PTPN4: variants seen among roughly 807,000 people sequenced by gnomAD.
PTPN4 encodes the protein tyrosine-protein phosphatase non-receptor type 4.
A neutral mutation model predicts 135.5 loss-of-function variants in PTPN4; 49 were observed. That is an observed-to-expected ratio of 0.36 (90% CI 0.29 to 0.46). The LOEUF is 0.46. PTPN4 is among the 20% of genes least tolerant of loss of function. The pLI is 1.00. For synonymous variants in PTPN4, 333 were observed against 369.9 expected (o/e 0.90, Z 1.14); for missense variants, 860 against 1,101.0 (o/e 0.78, Z 3.10).
At chr2:119,858,717 C>T (rs1677716772) in intron 2 of PTPN4, among the ~76,000 whole-genome samples, 1 of 151,918 alleles carries the variant, frequency 6.6e-6, no homozygotes, top group Non-Finnish European at 1.5e-5. Context: ...GGTGCCATCT[C>T]TGCCTCCCAG....
At chr2:119,940,555 G>T (rs1679046299) in intron 15 of PTPN4, among the ~76,000 whole-genome samples, 1 of 152,068 alleles carries the variant, frequency 6.6e-6, no homozygotes, top group African/African-American at 2.4e-5. Flanking sequence ...TACTGTTCTT[G>T]AATGATCTTC....
chr2:119,947,217 T>G (rs1679146239), intron 18 of PTPN4, among the ~76,000 whole-genome samples: 1 of 152,170 alleles, frequency 6.6e-6, no homozygotes, highest in Non-Finnish European at 1.5e-5. Flanking sequence ...ACTTTCCTTT[T>G]TCTTACCTAA....
At chr2:119,945,299 A>G in intron 16 of PTPN4, 59 bp downstream of exon 16, 3 of 1,443,900 alleles carry the variant, frequency 2.1e-6, no homozygotes, top group Non-Finnish European at 2.8e-6. Flanking sequence ...CCTAAATGAA[A>G]TTTCTTTTGT....
rs187177317 is a variant in PTPN4, at chr2:119,902,439, A to G, written c.764+1633A>G. On this transcript the variant is annotated intron_variant, in intron 10 of 26. Coordinates refer to ENST00000263708, the MANE Select transcript of PTPN4 (RefSeq NM_002830.4). The stretch of plus-strand genomic sequence containing the variant: ...TGAGAAATGTTAAAAGAAGTTCTTC[A>G]TAGAAAAGGAAAATAATATAAGACA... 9.8e-5 allele frequency among the ~76,000 whole-genome samples: 15 copies of G among 152,350 alleles called. No homozygotes were observed. The East Asian group carries it at 2.7e-3, about 27-fold the overall frequency.
chr2:119,760,107 T>G lies in PTPN4; in HGVS notation c.-295T>G, dbSNP rs2104911501. 1 of 387,186 alleles carries G rather than the reference T, an allele frequency of 2.6e-6. No homozygotes were observed. The highest frequency in any genetic ancestry group is 6.5e-4 in the Middle Eastern group (1 of 1,528). 24.0% of individuals were successfully genotyped at this position (387,186 alleles called of 1,614,324 possible). ...GCCAGGCCCCCTCCCCCACGCACTTTTGGGGGTGTGGATTATCTCATCCCT... is the reference window on the plus strand; with the variant it reads ...GCCAGGCCCCCTCCCCCACGCACTTGTGGGGGTGTGGATTATCTCATCCCT... On this transcript the variant is annotated 5_prime_UTR_variant, in exon 1 of 27. Transcript: ENST00000263708.
chr2:119,895,268 A>G (rs1247086063), intron 9 of PTPN4, among the ~76,000 whole-genome samples: 2 of 152,242 alleles, frequency 1.3e-5, no homozygotes, highest in East Asian at 3.8e-4. Flanking sequence ...TCTTATGTAC[A>G]TCATAACATT....
At chr2:119,844,326 G>T (rs1677440912) in intron 2 of PTPN4, among the ~76,000 whole-genome samples, 1 of 125,144 alleles carries the variant, frequency 8.0e-6, no homozygotes, top group Admixed American at 7.6e-5. Flanking sequence ...GCCGGACGGG[G>T]CGGCTGGCCG....
intron 9 of PTPN4, among the ~76,000 whole-genome samples, chr2:119,889,270 A>G (rs1052266113): frequency 1.3e-5 from 2 of 152,142 alleles, no homozygotes; most frequent in Admixed American, 6.6e-5. Context: ...ATACAAAAAA[A>G]TTAGCCGGTC....
chr2:119,948,737 A>G (rs1679170479), intron 18 of PTPN4, among the ~76,000 whole-genome samples: 2 of 152,174 alleles, frequency 1.3e-5, no homozygotes, highest in African/African-American at 2.4e-5. Context: ...TGAGATGGTA[A>G]TGTAACTATA....
chr2:119,871,741 T>C (rs72836857), intron 3 of PTPN4, among the ~76,000 whole-genome samples: 1 of 152,184 alleles, frequency 6.6e-6, no homozygotes, highest in Non-Finnish European at 1.5e-5. Context: ...ATGTTTTATA[T>C]TGATACTGTT....
chr2:119,803,765 G>A (rs1691416989), intron 1 of PTPN4, among the ~76,000 whole-genome samples: 1 of 151,942 alleles, frequency 6.6e-6, no homozygotes, highest in Admixed American at 6.6e-5. Context: ...TCCTATAATT[G>A]TGGGATTTAT....
chr2:119,929,491 A>G (rs933563667), intron 13 of PTPN4, among the ~76,000 whole-genome samples: 1 of 152,112 alleles, frequency 6.6e-6, no homozygotes, highest in South Asian at 2.1e-4. Flanking sequence ...TCAGCAGCAC[A>G]TATACTGATT....
At chr2:119,805,640 C>G (rs879546348) in intron 1 of PTPN4, among the ~76,000 whole-genome samples, 1 of 152,116 alleles carries the variant, frequency 6.6e-6, no homozygotes, top group African/African-American at 2.4e-5. Context: ...ATTGGTCTAT[C>G]TCTCTGTTCT....
At chr2:119,967,446 C>CA (rs796172173) in intron 25 of PTPN4, among the ~76,000 whole-genome samples, 2,507 of 140,608 alleles carry the variant, frequency 0.018, 54 homozygotes, top group African/African-American at 0.052. Flanking sequence ...GATTCCGTCT[C>CA]AAAAAAAAAA....
intron 2 of PTPN4, among the ~76,000 whole-genome samples, chr2:119,849,806 T>G (rs896362518): frequency 1.3e-5 from 2 of 152,250 alleles, no homozygotes; most frequent in African/African-American, 4.8e-5. Flanking sequence ...TCTGTTTGAC[T>G]CCTCTGATTT....
At chr2:119,841,821 T>A (rs1470196420) in intron 2 of PTPN4, among the ~76,000 whole-genome samples, 1 of 152,166 alleles carries the variant, frequency 6.6e-6, no homozygotes, top group African/African-American at 2.4e-5. Context: ...ATAACATTAT[T>A]GATTGAAAAG....
chr2:119,765,022 ACTGT>A (rs944545016), intron 1 of PTPN4, among the ~76,000 whole-genome samples: 18 of 152,076 alleles, frequency 1.2e-4, no homozygotes, highest in African/African-American at 3.9e-4. Context: ...CCTCGGGCAA[ACTGT>A]CTGATTTCTG....
chr2:119,823,329 G>C (rs1293319307), intron 2 of PTPN4, among the ~76,000 whole-genome samples: 1 of 151,790 alleles, frequency 6.6e-6, no homozygotes, highest in East Asian at 1.9e-4. Context: ...CCGCCTCCCG[G>C]ATTCACGCCA....
At position 119,882,392 on chromosome 2, in the gene PTPN4, A is replaced by G; in HGVS notation, c.467-111A>G. On this transcript the variant is annotated intron_variant, in intron 7 of 26. Coordinates refer to ENST00000263708, the MANE Select transcript of PTPN4 (RefSeq NM_002830.4). The stretch of plus-strand genomic sequence containing the variant: ...TGTGGCTTGCTTAAGTGGTTATATT[A>G]GAAACATAAGTATTTTACATCCAGA... 4 of 1,159,874 alleles carry G rather than the reference A, an allele frequency of 3.4e-6. No homozygotes were observed. In the South Asian group the frequency reaches 4.6e-5, roughly 13 times the overall value. The allele number at this position is 1,159,874 out of a possible 1,614,324, so 71.8% of individuals were successfully genotyped here.
Sources: gnomAD v4.1 joint callset for allele counts (sites outside exome capture counted in the v4.1 genomes callset) on GRCh38, gnomAD v4.1.1 for gene constraint, MANE v1.5 for transcripts, NCBI Gene and HGNC (gene_info 2026-07-23, HGNC 2026-07-21) for gene names.